Variants in ADCY9 observed in about 807,000 individuals in gnomAD.
ADCY9 encodes the protein adenylate cyclase type 9.
Under a neutral mutation model 101.5 loss-of-function variants are expected in ADCY9, and 50 were observed. The observed-to-expected ratio is 0.49, with a 90% CI of 0.39 to 0.62. The LOEUF (loss-of-function observed/expected upper bound fraction) is 0.62. ADCY9 is among the 20% of genes least tolerant of loss of function. The probability of loss-of-function intolerance (pLI) is 0.00; values close to 1 mark genes in which losing one functional copy is unlikely to be tolerated. For synonymous variants in ADCY9, 905 were observed against 769.3 expected (o/e 1.18, Z -2.92); for missense variants, 1,662 against 1,800.4 (o/e 0.92, Z 1.39).
chr16:3,998,308 G>C (rs1185045315), intron 3 of ADCY9, among the ~76,000 whole-genome samples: 1 of 151,948 alleles, frequency 6.6e-6, no homozygotes, highest in African/African-American at 2.4e-5. Context: ...CTACTCAGGA[G>C]GCTGAAGTGG....
intron 2 of ADCY9, among the ~76,000 whole-genome samples, chr16:4,048,351 A>T (rs2056679507): frequency 6.6e-6 from 1 of 152,232 alleles, no homozygotes; most frequent in South Asian, 2.1e-4. Flanking sequence ...ATGAAAAATC[A>T]TTCTAAATTA....
At chr16:3,961,686 T>C (rs965620126), downstream of ADCY9, among the ~76,000 whole-genome samples, 1 of 152,086 alleles carries the variant, frequency 6.6e-6, no homozygotes, top group Non-Finnish European at 1.5e-5. Flanking sequence ...GCTCCCTTTG[T>C]GGAGTCTACA....
chr16:4,017,870 G>A (rs1248923875), intron 2 of ADCY9, among the ~76,000 whole-genome samples: 2 of 152,084 alleles, frequency 1.3e-5, no homozygotes, highest in African/African-American at 2.4e-5. Context: ...TAAAAACGCC[G>A]GGCCGACACC....
At chr16:4,091,853 G>T (rs778384907) in intron 2 of ADCY9, among the ~76,000 whole-genome samples, 10 of 152,214 alleles carry the variant, frequency 6.6e-5, no homozygotes, top group African/African-American at 1.4e-4. Flanking sequence ...TTTCCTTCTA[G>T]GGGTGATGAA....
Position 3,962,689 on chromosome 16 carries a change from G to C in ADCY9, c.*3086C>G, listed in dbSNP as rs1282475070. On this transcript the variant is annotated 3_prime_UTR_variant, in exon 11 of 11. Coordinates refer to ENST00000294016, the MANE Select transcript of ADCY9 (RefSeq NM_001116.4). The stretch of plus-strand genomic sequence containing the variant: ...GAATATTTTAATGTCCATTTCTTCA[G>C]TGAATGCATTTTGAAATTATTAGAA... 1 of 152,144 alleles carries C rather than the reference G, an allele frequency of 6.6e-6. No individual in the cohort carries two copies. The highest frequency in any genetic ancestry group is 1.5e-5 in the Non-Finnish European group (1 of 68,044). The allele number at this position is 152,144 out of a possible 1,614,324, so 9.4% of individuals were successfully genotyped here. A position where few individuals can be genotyped will look rare whatever the true frequency, so the allele number is the denominator to read the frequency against.
chr16:4,111,832 A>C (rs1313958465), intron 2 of ADCY9, among the ~76,000 whole-genome samples: 4 of 145,652 alleles, frequency 2.7e-5, no homozygotes, highest in East Asian at 2.1e-4. Flanking sequence ...AAAAAAAAAA[A>C]CACAAACTCA....
chr16:4,095,067 A>G (rs1037610044), intron 2 of ADCY9, among the ~76,000 whole-genome samples: 1 of 148,410 alleles, frequency 6.7e-6, no homozygotes, highest in Non-Finnish European at 1.5e-5. Flanking sequence ...CAATGGCGCA[A>G]TCTCAGCTCA....
At chr16:3,977,790 C>T (rs2056105931) in intron 8 of ADCY9, among the ~76,000 whole-genome samples, 160 bp from the exon 9 acceptor site, 2 of 152,160 alleles carry the variant, frequency 1.3e-5, no homozygotes, top group African/African-American at 2.4e-5. Flanking sequence ...AATCTCAGCT[C>T]ACTGCAACCT....
intron 2 of ADCY9, among the ~76,000 whole-genome samples, chr16:4,026,654 TC>T (rs1189452820): frequency 6.6e-6 from 1 of 152,136 alleles, no homozygotes; most frequent in Non-Finnish European, 1.5e-5. Flanking sequence ...GGGGCACTAC[TC>T]AGCATCACAA....
intron 2 of ADCY9, among the ~76,000 whole-genome samples, chr16:4,051,441 G>A (rs1387517372): frequency 6.6e-6 from 1 of 151,604 alleles, no homozygotes; most frequent in South Asian, 2.1e-4. Flanking sequence ...GGAGAATGGC[G>A]TGAACCCGGG....
chr16:4,082,470 C>G (rs558783790), intron 2 of ADCY9, among the ~76,000 whole-genome samples: 9 of 152,280 alleles, frequency 5.9e-5, no homozygotes, highest in Admixed American at 3.9e-4. Context: ...TCTTCATGTC[C>G]TCCCCGTTCC....
chr16:4,068,777 A>G (rs2056815756), intron 2 of ADCY9, among the ~76,000 whole-genome samples: 1 of 151,404 alleles, frequency 6.6e-6, no homozygotes, highest in Non-Finnish European at 1.5e-5. Context: ...AGATCGAGCC[A>G]CTGCACTCCA....
intron 10 of ADCY9, among the ~76,000 whole-genome samples, chr16:3,971,802 C>T (rs73506096): frequency 0.017 from 2,532 of 152,102 alleles, 75 homozygotes; most frequent in African/African-American, 0.058. Context: ...GGGGTGTTTC[C>T]AGTCTCTGTG....
intron 6 of ADCY9, among the ~76,000 whole-genome samples, chr16:3,987,538 G>A (rs777691936): frequency 7.9e-5 from 12 of 152,338 alleles, no homozygotes; most frequent in Non-Finnish European, 1.6e-4. Flanking sequence ...ATTGCTATGA[G>A]CATTAAATGA....
At position 3,977,606 on chromosome 16, in the gene ADCY9, C is replaced by G. The variant is rs147280539; in HGVS notation, c.2704G>C (p.Ala902Pro). 1 of 1,612,362 alleles carries G rather than the reference C, an allele frequency of 6.2e-7. No homozygotes were observed. The highest frequency in any genetic ancestry group is 1.1e-5 in the South Asian group (1 of 90,880). Residue 902 changes from alanine (A) to proline (P), a missense_variant, in exon 9 of 11, where the codon GCG becomes CCG. Ala to Pro is a conservative substitution (Grantham distance 27, BLOSUM62 -1). Around this residue, in one of 5 missense-constraint regions of ADCY9, gnomAD observed 624 missense variants for 639.1 expected, o/e 0.98. Coordinates refer to ENST00000294016, the MANE Select transcript of ADCY9 (RefSeq NM_001116.4). ...CAGTAGTGCACGACGGCAATCAGCG[C>G]GGCCGAGCCTGTGAACACTGGGAAC... Reference protein sequence around the residue: ...IHFPVFTGSAALIAVVHYCNF... With the variant: ...IHFPVFTGSAPLIAVVHYCNF...
At chr16:4,013,037 A>G (rs1024930512) in intron 2 of ADCY9, among the ~76,000 whole-genome samples, 1 of 152,056 alleles carries the variant, frequency 6.6e-6, no homozygotes, top group Non-Finnish European at 1.5e-5. Flanking sequence ...GGATCACTTG[A>G]GCCCAGGAGT....
At chr16:4,030,276 G>C (rs1462362269) in intron 2 of ADCY9, among the ~76,000 whole-genome samples, 1 of 152,130 alleles carries the variant, frequency 6.6e-6, no homozygotes, top group Non-Finnish European at 1.5e-5. Flanking sequence ...ATCAAGAGGA[G>C]GATCGATGGA....
chr16:4,043,475 A>G (rs2056641541), intron 2 of ADCY9, among the ~76,000 whole-genome samples: 1 of 151,406 alleles, frequency 6.6e-6, no homozygotes, highest in African/African-American at 2.4e-5. Flanking sequence ...GGAGTTCGAG[A>G]CCAGCCTGGC....
intron 2 of ADCY9, among the ~76,000 whole-genome samples, chr16:4,054,543 A>T (rs1281225816): frequency 6.6e-6 from 1 of 152,042 alleles, no homozygotes; most frequent in Non-Finnish European, 1.5e-5. Flanking sequence ...GTAGTAATCA[A>T]CAAGTATGGC....
Sources: allele counts gnomAD v4.1 joint callset (sites outside exome capture counted in the v4.1 genomes callset), GRCh38; gene constraint gnomAD v4.1.1; regional missense constraint gnomAD v4.1.1; transcripts MANE v1.5; gene names NCBI Gene and HGNC (gene_info 2026-07-23, HGNC 2026-07-21).